Variants in LRP1B observed in about 807,000 individuals in gnomAD.
The protein encoded by LRP1B is low-density lipoprotein receptor-related protein 1B.
A neutral mutation model predicts 556.6 loss-of-function variants in LRP1B; 217 were observed. The ratio of observed to expected loss-of-function variants is 0.39; its 90% CI spans 0.35 to 0.44. The LOEUF (loss-of-function observed/expected upper bound fraction) is 0.44, where lower values mean the gene tolerates loss of function less well. Ranked by LOEUF, LRP1B falls within the 20% of genes least tolerant of loss-of-function variation. The pLI is 1.00. For synonymous variants in LRP1B, 2,047 were observed against 1,865.8 expected, an observed-to-expected ratio of 1.10 and a Z score of -2.50; for missense variants, 5,053 against 5,620.8, an observed-to-expected ratio of 0.90 and a Z score of 3.23.
In LRP1B at chr2:140,674,164, G is replaced by A. The variant is rs577514988; in HGVS notation, c.6799+26086C>T. Among the ~76,000 whole-genome samples the A allele has an allele frequency of 2.6e-5, 4 of 151,882 alleles. No individual in the cohort carries two copies. In the South Asian group the frequency reaches 8.4e-4, roughly 32 times the overall value. ...GGGGTTTAACCATGTTGGTCAGGCTGGTCTCAAACTCCTGCCCTCAGGTGA... is the reference window on the plus strand; with the variant it reads ...GGGGTTTAACCATGTTGGTCAGGCTAGTCTCAAACTCCTGCCCTCAGGTGA... On this transcript the variant is annotated intron_variant, in intron 41 of 90. Transcript: ENST00000389484.
chr2:141,129,738 T>C (rs935927223), intron 7 of LRP1B, among the ~76,000 whole-genome samples: 1 of 151,738 alleles, frequency 6.6e-6, no homozygotes, highest in Non-Finnish European at 1.5e-5. Flanking sequence ...GATAATTGAA[T>C]AAAATAGGAA....
chr2:140,604,653 G>C (rs493102), intron 41 of LRP1B, among the ~76,000 whole-genome samples: 105 of 151,972 alleles, frequency 6.9e-4, no homozygotes, highest in African/African-American at 2.3e-3. Context: ...TTAAACACTG[G>C]TATTCATCCG....
At chr2:141,077,017 T>A (rs950971476) in intron 7 of LRP1B, among the ~76,000 whole-genome samples, 1 of 152,072 alleles carries the variant, frequency 6.6e-6, no homozygotes, top group Non-Finnish European at 1.5e-5. Context: ...GAGGCCGAGG[T>A]GGGCAGATCA....
chr2:140,559,294 C>T (rs1680847724), intron 43 of LRP1B, among the ~76,000 whole-genome samples: 1 of 151,910 alleles, frequency 6.6e-6, no homozygotes, highest in Admixed American at 6.6e-5. Flanking sequence ...AGAGACATAT[C>T]AGTTATTTGC....
intron 7 of LRP1B, among the ~76,000 whole-genome samples, chr2:141,129,125 T>C (rs918501010): frequency 6.0e-4 from 92 of 152,220 alleles, no homozygotes; most frequent in African/African-American, 2.1e-3. Flanking sequence ...TTAATAAAGA[T>C]TTACTTGCAT....
chr2:140,506,742 T>C (rs1348766603), intron 53 of LRP1B, 54 bp downstream of exon 53: 4 of 1,565,690 alleles, frequency 2.6e-6, no homozygotes, highest in Non-Finnish European at 3.5e-6. Context: ...ACATACTAGT[T>C]TTGAAAGACT....
chr2:140,403,890 G>A (rs35553801), intron 66 of LRP1B, among the ~76,000 whole-genome samples: 17,135 of 152,044 alleles, frequency 0.11, 1,086 homozygotes, highest in African/African-American at 0.17. Flanking sequence ...GCATCAGGTA[G>A]CATAAAGGAA....
intron 2 of LRP1B, among the ~76,000 whole-genome samples, chr2:141,611,830 T>C (rs1688118132): frequency 6.6e-6 from 1 of 152,212 alleles, no homozygotes; most frequent in South Asian, 2.1e-4. Flanking sequence ...TGAAAAGGTC[T>C]GATAAGCCTC....
At chr2:141,442,588 C>T (rs114288750) in intron 3 of LRP1B, among the ~76,000 whole-genome samples, 3 of 152,040 alleles carry the variant, frequency 2.0e-5, no homozygotes, top group African/African-American at 4.8e-5. Context: ...CAGCCCCCAA[C>T]CTGCAAACAT....
intron 51 of LRP1B, among the ~76,000 whole-genome samples, chr2:140,512,944 C>T (rs935449397): frequency 6.6e-6 from 1 of 152,038 alleles, no homozygotes; most frequent in African/African-American, 2.4e-5. Context: ...GTAGTTAGTA[C>T]ATAAAATACA....
intron 2 of LRP1B, among the ~76,000 whole-genome samples, chr2:141,495,705 T>G (rs1360403241): frequency 1.3e-5 from 2 of 152,026 alleles, no homozygotes; most frequent in African/African-American, 4.8e-5. Flanking sequence ...CTTTAAAGAT[T>G]TGAGTATGTG....
intron 7 of LRP1B, among the ~76,000 whole-genome samples, chr2:141,063,047 A>G (rs1699384496): frequency 6.6e-6 from 1 of 151,842 alleles, no homozygotes. Flanking sequence ...TTTGATTAGT[A>G]TTCACTATGT....
chr2:140,688,304 A>AC (rs1367359787), intron 41 of LRP1B, among the ~76,000 whole-genome samples: 1 of 151,946 alleles, frequency 6.6e-6, no homozygotes, highest in Non-Finnish European at 1.5e-5. Context: ...AAATCTATTG[A>AC]CCCCTTTATA....
chr2:141,447,115 C>T (rs1182517431), intron 3 of LRP1B, among the ~76,000 whole-genome samples: 1 of 151,920 alleles, frequency 6.6e-6, no homozygotes, highest in Non-Finnish European at 1.5e-5. Context: ...TGTTCCTTTT[C>T]ATTCTTTTTT....
At chr2:140,668,284 T>G (rs1232321351) in intron 41 of LRP1B, among the ~76,000 whole-genome samples, 3 of 115,058 alleles carry the variant, frequency 2.6e-5, no homozygotes, top group East Asian at 2.8e-4. Flanking sequence ...TACTCCAGCC[T>G]GGGTGACAGA....
chr2:141,785,714 G>T (rs781434579), intron 2 of LRP1B, among the ~76,000 whole-genome samples: 4 of 150,720 alleles, frequency 2.7e-5, no homozygotes, highest in Admixed American at 6.7e-5. Flanking sequence ...GGCCTTCTCC[G>T]TATATAGTTC....
chr2:141,555,965 A>G (rs1462647817), intron 2 of LRP1B, among the ~76,000 whole-genome samples: 1 of 151,708 alleles, frequency 6.6e-6, no homozygotes, highest in African/African-American at 2.4e-5. Context: ...TGTTTTGTTT[A>G]AAGTGAAGAC....
intron 2 of LRP1B, among the ~76,000 whole-genome samples, chr2:141,684,086 A>G (rs13006469): frequency 0.057 from 8,748 of 152,236 alleles, 328 homozygotes; most frequent in South Asian, 0.11. Context: ...CATTTGACCC[A>G]GCAATCCCAT....
chr2:141,805,815 A>G (rs1238301513), intron 2 of LRP1B: 2 of 152,148 alleles, frequency 1.3e-5, no homozygotes, highest in Non-Finnish European at 2.9e-5. Context: ...TTAAAGCCTA[A>G]ATATTTACTA....
Sources: allele counts gnomAD v4.1 joint callset (sites outside exome capture counted in the v4.1 genomes callset), GRCh38; gene constraint gnomAD v4.1.1; transcripts MANE v1.5; gene names NCBI Gene and HGNC (gene_info 2026-07-23, HGNC 2026-07-21).